Variants in NXN observed in about 807,000 individuals in gnomAD.
NXN encodes nucleoredoxin.
A neutral mutation model predicts 48.6 loss-of-function variants in NXN; 16 were observed. That is an observed-to-expected ratio of 0.33 (90% CI 0.22 to 0.50). The LOEUF (loss-of-function observed/expected upper bound fraction) is 0.50, where lower values mean the gene tolerates loss of function less well. Ranked by LOEUF, NXN falls within the 20% of genes least tolerant of loss-of-function variation. The probability of loss-of-function intolerance (pLI) is 0.98; values close to 1 mark genes in which losing one functional copy is unlikely to be tolerated. For missense variants in NXN, 492 were observed against 605.5 expected (o/e 0.81, Z 1.97); for synonymous variants, 281 against 269.6 (o/e 1.04, Z -0.41).
intron 1 of NXN, among the ~76,000 whole-genome samples, chr17:967,498 T>G (rs2061446439): frequency 6.6e-6 from 1 of 152,118 alleles, no homozygotes; most frequent in South Asian, 2.1e-4. Flanking sequence ...GGAGTTGATA[T>G]TCTACACACC....
intron 1 of NXN, among the ~76,000 whole-genome samples, chr17:944,747 T>C (rs937696091): frequency 2.6e-5 from 4 of 152,110 alleles, no homozygotes; most frequent in Non-Finnish European, 5.9e-5. Flanking sequence ...TCCAGTGAGT[T>C]TGTATCCCTC....
chr17:812,135 G>A (rs2467268), intron 5 of NXN, among the ~76,000 whole-genome samples: 1 of 150,586 alleles, frequency 6.6e-6, no homozygotes, highest in African/African-American at 2.4e-5. Context: ...CACCGTGTTA[G>A]CCAGGACGGT....
Position 919,175 on chromosome 17 carries a change from T to C in NXN, c.360+60144A>G, listed in dbSNP as rs1365243665. Among the ~76,000 whole-genome samples, 1 of 152,026 alleles carries C rather than the reference T, an allele frequency of 6.6e-6. No homozygotes were observed. Among genetic ancestry groups the C allele is most frequent in the Non-Finnish European group, 1.5e-5 (1 of 68,012 alleles). ...GTCAGGAGATCGAGACCATCCTGGC[T>C]AACATGGTGAAAGCCCGTCTCTACT... On this transcript the variant is annotated intron_variant, in intron 1 of 7. Transcript: ENST00000336868. This position sits in a 1 kb window ranked among gnomAD's most constrained non-coding sequence, Gnocchi z 5.1.
At chr17:832,997 T>C (rs1913576137) in intron 1 of NXN, among the ~76,000 whole-genome samples, 1 of 151,954 alleles carries the variant, frequency 6.6e-6, no homozygotes, top group African/African-American at 2.4e-5. Flanking sequence ...TTCACACCAT[T>C]CTCCTGCCTC....
At chr17:888,304 G>C (rs62068412) in intron 1 of NXN, among the ~76,000 whole-genome samples, 86 of 152,202 alleles carry the variant, frequency 5.7e-4, no homozygotes, top group Middle Eastern at 3.4e-3. Context: ...CTGCAACCTC[G>C]ACCTCCTGGG....
At chr17:847,536 G>A (rs2067877790) in intron 1 of NXN, among the ~76,000 whole-genome samples, 1 of 152,162 alleles carries the variant, frequency 6.6e-6, no homozygotes, top group South Asian at 2.1e-4. Flanking sequence ...CGGCAAGCCA[G>A]GCGTGTCCAC....
rs761997314 is a variant in NXN, at chr17:956,782, G to A, written c.360+22537C>T. Among the ~76,000 whole-genome samples, 22 of 152,120 alleles carry A rather than the reference G, an allele frequency of 1.4e-4. No individual in the cohort carries two copies. The highest frequency in any genetic ancestry group is 2.9e-4 in the African/African-American group (12 of 41,434). Reference sequence around the variant, plus strand: ...ACCTGACAAGGTGGACGCTGCTATCGTTCCCACTTTACAGATGAGGAAGTG... The same window carrying A: ...ACCTGACAAGGTGGACGCTGCTATCATTCCCACTTTACAGATGAGGAAGTG... On this transcript the variant is annotated intron_variant, in intron 1 of 7. Transcript: ENST00000336868. The surrounding 1 kb of genome is among the most constrained non-coding windows in gnomAD (Gnocchi z 4.1).
At chr17:904,549 C>G (rs912978670) in intron 1 of NXN, among the ~76,000 whole-genome samples, 3 of 152,076 alleles carry the variant, frequency 2.0e-5, no homozygotes, top group African/African-American at 7.2e-5. Flanking sequence ...TTTTCGTTTA[C>G]TTGTTTGTTT....
At chr17:877,447 C>T (rs958031418) in intron 1 of NXN, among the ~76,000 whole-genome samples, 29 of 152,104 alleles carry the variant, frequency 1.9e-4, no homozygotes, top group East Asian at 1.7e-3. Context: ...CGCCCGGCCG[C>T]GACTGTGTTT....
rs530025955 is a variant in NXN at position 948,778 on chromosome 17, G to A, written c.360+30541C>T. ...AGATGGTACTAAATCCACATCCCGG[G>A]ACACGAGGAAACAGCAGGGCCAGGG... On this transcript the variant is annotated intron_variant, in intron 1 of 7. Coordinates refer to ENST00000336868, the MANE Select transcript of NXN (RefSeq NM_022463.5). 2.0e-5 allele frequency among the ~76,000 whole-genome samples: 3 copies of A among 151,226 alleles called. No homozygotes were observed. The East Asian group carries it at 5.8e-4, about 29-fold the overall frequency.
chr17:974,124 C>T (rs1295146901), intron 1 of NXN, among the ~76,000 whole-genome samples: 5 of 151,622 alleles, frequency 3.3e-5, no homozygotes, highest in Non-Finnish European at 7.4e-5. Context: ...CTGAGCTGGG[C>T]GGATCACGAG....
chr17:811,657 T>C (rs181433739), intron 5 of NXN, among the ~76,000 whole-genome samples: 141 of 152,222 alleles, frequency 9.3e-4, no homozygotes, highest in Non-Finnish European at 1.7e-3. Context: ...AGGAAGCCGG[T>C]GGCCAGCCTG....
chr17:966,216 C>T (rs1431042791), intron 1 of NXN, among the ~76,000 whole-genome samples: 3 of 152,122 alleles, frequency 2.0e-5, no homozygotes, highest in African/African-American at 4.8e-5. Context: ...CAACCCACAG[C>T]ACGCGGACAC....
chr17:889,761 A>AAGAAAGAAAGAAAG (rs1555619043), intron 1 of NXN, among the ~76,000 whole-genome samples: 1 of 70,780 alleles, frequency 1.4e-5, no homozygotes, highest in African/African-American at 6.5e-5. Context: ...GAAAGAAAGA[A>AAGAAAGAAAGAAAG]AAAGAAAGAA....
chr17:969,112 T>C (rs2069341844), intron 1 of NXN, among the ~76,000 whole-genome samples: 1 of 152,188 alleles, frequency 6.6e-6, no homozygotes, highest in Non-Finnish European at 1.5e-5. Context: ...ATAATCCAAA[T>C]AACCATAAAA....
intron 1 of NXN, among the ~76,000 whole-genome samples, chr17:832,313 G>A (rs1913522712): frequency 1.3e-5 from 2 of 151,520 alleles, no homozygotes; most frequent in South Asian, 2.1e-4. Flanking sequence ...GAGTAGCTGG[G>A]ACTACAGGTG....
chr17:886,457 C>T (rs559189340), intron 1 of NXN, among the ~76,000 whole-genome samples: 3 of 152,138 alleles, frequency 2.0e-5, no homozygotes, highest in Non-Finnish European at 2.9e-5. Context: ...AGGCTGGCAG[C>T]GCACGGAGAG....
intron 1 of NXN, among the ~76,000 whole-genome samples, chr17:953,934 T>C (rs779901153): frequency 6.6e-6 from 1 of 152,198 alleles, no homozygotes; most frequent in Non-Finnish European, 1.5e-5. Context: ...GGGAGGATGA[T>C]GGTGCATGCA....
At chr17:967,296 G>A (rs2069317978) in intron 1 of NXN, among the ~76,000 whole-genome samples, 1 of 152,226 alleles carries the variant, frequency 6.6e-6, no homozygotes, top group East Asian at 1.9e-4. Context: ...CAGGAAGCAG[G>A]CTCAGAACTG....
Sources: allele counts gnomAD v4.1 joint callset (sites outside exome capture counted in the v4.1 genomes callset), GRCh38; gene constraint gnomAD v4.1.1; non-coding constraint Gnocchi (gnomAD v3.1); transcripts MANE v1.5; gene names NCBI Gene and HGNC (gene_info 2026-07-23, HGNC 2026-07-21).